The following PAPSS2 variants were observed in gnomAD, a reference collection of about 807,000 sequenced individuals.
PAPSS2 encodes 3'-phosphoadenosine 5'-phosphosulfate synthase 2, also known as bifunctional 3'-phosphoadenosine 5'-phosphosulfate synthase 2.
A neutral mutation model predicts 66.5 loss-of-function variants in PAPSS2; 61 were observed. The ratio of observed to expected loss-of-function variants is 0.92; its 90% confidence interval spans 0.75 to 1.14. PAPSS2 has a LOEUF of 1.14. PAPSS2 is among the 50% of genes most tolerant of loss of function. PAPSS2 has a pLI of 0.00. For missense variants in PAPSS2, 708 were observed against 789.6 expected, an observed-to-expected ratio of 0.90 and a Z score of 1.24; for synonymous variants, 289 against 287.5, an observed-to-expected ratio of 1.01 and a Z score of -0.05.
Position 87,700,847 on chromosome 10 carries a change from T to G in PAPSS2, c.28-8349T>G, listed in dbSNP as rs185922838. The stretch of plus-strand genomic sequence containing the variant: ...AAAGTAGAAGGGAAATAAATTATAA[T>G]ATATTTGAGATTGCTGGATGTAATG... On this transcript the variant is annotated intron_variant, in intron 1 of 12. Transcript: ENST00000456849. 3.0e-4 allele frequency among the ~76,000 whole-genome samples: 46 copies of G among 151,962 alleles called. No individual in the cohort carries two copies. In the East Asian group the frequency reaches 8.7e-3, roughly 29 times the overall value.
chr10:87,703,276 CGTGTGTGTGTGTGTGT>C (rs10673718), intron 1 of PAPSS2, among the ~76,000 whole-genome samples: 79 of 145,588 alleles, frequency 5.4e-4, no homozygotes, highest in Admixed American at 9.5e-4. Context: ...AACAACATTG[CGTGTGTGTGTGTGTGT>C]GTGTGTGTGT....
At chr10:87,695,399 G>C (rs978681410) in intron 1 of PAPSS2, among the ~76,000 whole-genome samples, 1 of 152,138 alleles carries the variant, frequency 6.6e-6, no homozygotes, top group Non-Finnish European at 1.5e-5. Flanking sequence ...CGAATATAAA[G>C]GGCAAAGGGA....
At chr10:87,677,736 C>T (rs1046095598) in intron 1 of PAPSS2, among the ~76,000 whole-genome samples, 1 of 152,136 alleles carries the variant, frequency 6.6e-6, no homozygotes, top group South Asian at 2.1e-4. Context: ...TGGAAAGCTA[C>T]CCACTATCTC....
At chr10:87,692,121 T>C (rs1228499538) in intron 1 of PAPSS2, among the ~76,000 whole-genome samples, 1 of 152,132 alleles carries the variant, frequency 6.6e-6, no homozygotes, top group Non-Finnish European at 1.5e-5. Context: ...TTAATTTTTT[T>C]AATGAAGGAG....
rs112415052 is a variant in PAPSS2, at chr10:87,679,984, G to A, written c.27+19976G>A. On this transcript the variant is annotated intron_variant, in intron 1 of 12. Coordinates refer to ENST00000456849, the MANE Select transcript of PAPSS2 (RefSeq NM_001015880.2). ...AAGGCTGCAGTGAGCCACCATGATC[G>A]TGCCACTGCGCTCCAGCCTGAGCAA... 7.9e-3 allele frequency among the ~76,000 whole-genome samples: 1,184 copies of A among 149,874 alleles called. 17 individuals are homozygous for A. Among genetic ancestry groups the A allele is most frequent in the African/African-American group, 0.027 (1,102 of 40,528 alleles).
intron 1 of PAPSS2, among the ~76,000 whole-genome samples, chr10:87,681,384 G>C (rs1853019352): frequency 6.6e-6 from 1 of 152,180 alleles, no homozygotes; most frequent in African/African-American, 2.4e-5. Context: ...ATAACTGTTA[G>C]AGTCAAAATA....
In PAPSS2 at chr10:87,745,793, T is replaced by C. The variant is rs755995086; in HGVS notation, c.1722-39T>C. Reference sequence around the variant, plus strand: ...CCAGGAATCCTTAAGGCAGATATCATTTACCTACACTGAGTTCTTTGTTGC... The same window carrying C: ...CCAGGAATCCTTAAGGCAGATATCACTTACCTACACTGAGTTCTTTGTTGC... On this transcript the variant is annotated intron_variant, in intron 12 of 12. Transcript: ENST00000456849. 6.2e-6 allele frequency: 10 copies of C among 1,611,730 alleles called. No homozygotes were observed. In the South Asian group the frequency reaches 7.7e-5, roughly 12 times the overall value.
chr10:87,720,458 G>A (rs1034323204), intron 7 of PAPSS2, among the ~76,000 whole-genome samples: 2 of 152,134 alleles, frequency 1.3e-5, no homozygotes, highest in Non-Finnish European at 2.9e-5. Flanking sequence ...AGAATGTTGG[G>A]CAAGATATCA....
At position 87,659,933 on chromosome 10, in the gene PAPSS2, T is replaced by C. The variant is rs749493503; in HGVS notation, c.-49T>C. ...CGCCGCCGCCGCCGCCGTCCCTGCGTCCTTCGGTCTCTGCTCCCGGGACCC... is the reference window on the plus strand; with the variant it reads ...CGCCGCCGCCGCCGCCGTCCCTGCGCCCTTCGGTCTCTGCTCCCGGGACCC... On this transcript the variant is annotated 5_prime_UTR_variant, in exon 1 of 13. Coordinates refer to ENST00000456849, the MANE Select transcript of PAPSS2 (RefSeq NM_001015880.2). 2.5e-6 allele frequency: 4 copies of C among 1,605,182 alleles called. No individual in the cohort carries two copies. The South Asian group carries it at 4.4e-5, about 18-fold the overall frequency.
intron 1 of PAPSS2, among the ~76,000 whole-genome samples, chr10:87,660,709 G>C (rs1362157379): frequency 1.4e-5 from 2 of 146,946 alleles, no homozygotes; most frequent in African/African-American, 2.5e-5. Context: ...GCGTGTCAAA[G>C]AGAAAAGTTT....
chr10:87,673,689 C>CAT (rs749811014), intron 1 of PAPSS2, among the ~76,000 whole-genome samples: 8 of 67,422 alleles, frequency 1.2e-4, no homozygotes, highest in Non-Finnish European at 1.4e-4. Flanking sequence ...TTTTGGCTTA[C>CAT]TTTTTTTTTT....
At chr10:87,714,351 TA>T (rs1203436240) in intron 4 of PAPSS2, among the ~76,000 whole-genome samples, 169 bp downstream of exon 4, 2 of 152,348 alleles carry the variant, frequency 1.3e-5, no homozygotes, top group East Asian at 3.9e-4. Context: ...AGAGGCTTAT[TA>T]AAAGGTAGGG....
intron 7 of PAPSS2, among the ~76,000 whole-genome samples, chr10:87,719,607 A>G (rs1853571091): frequency 6.6e-6 from 1 of 152,172 alleles, no homozygotes; most frequent in South Asian, 2.1e-4. Context: ...TAAATACATA[A>G]ATAAAAGAAC....
At chr10:87,662,419 T>C (rs981169097) in intron 1 of PAPSS2, among the ~76,000 whole-genome samples, 7 of 152,084 alleles carry the variant, frequency 4.6e-5, no homozygotes, top group African/African-American at 1.7e-4. Context: ...ATAAATTAAG[T>C]GTTCTTTTAT....
At chr10:87,726,731 C>T (rs1330999028) in intron 8 of PAPSS2, among the ~76,000 whole-genome samples, 2 of 152,102 alleles carry the variant, frequency 1.3e-5, no homozygotes, top group African/African-American at 4.8e-5. Context: ...ACTTATTATA[C>T]AAAAAATGCA....
intron 1 of PAPSS2, among the ~76,000 whole-genome samples, chr10:87,670,306 C>G (rs917622178): frequency 3.3e-5 from 5 of 152,142 alleles, no homozygotes; most frequent in Non-Finnish European, 7.4e-5. Context: ...AGTAGAACAC[C>G]AGTGCATTTT....
intron 1 of PAPSS2, among the ~76,000 whole-genome samples, chr10:87,662,521 C>G (rs1852764519): frequency 1.3e-5 from 2 of 152,072 alleles, no homozygotes; most frequent in Admixed American, 1.3e-4. Context: ...TTCATCATTT[C>G]CACCCCTCAC....
intron 1 of PAPSS2, chr10:87,660,309 G>A (rs981546892): frequency 3.4e-5 from 19 of 560,364 alleles, no homozygotes; most frequent in African/African-American, 3.0e-4. Flanking sequence ...CCAGGACCAG[G>A]GACAGGAAAT....
chr10:87,714,287 A>G, intron 4 of PAPSS2, 105 bp downstream of exon 4: 1 of 1,263,454 alleles, frequency 7.9e-7, no homozygotes, highest in South Asian at 1.2e-5. Flanking sequence ...GTTTTCCAAA[A>G]TTGCATATAA....
Sources: allele counts gnomAD v4.1 joint callset (sites outside exome capture counted in the v4.1 genomes callset), GRCh38; gene constraint gnomAD v4.1.1; transcripts MANE v1.5; gene names NCBI Gene and HGNC (gene_info 2026-07-23, HGNC 2026-07-21).